The following SPTBN1 variants were observed in gnomAD, a reference collection of about 807,000 sequenced individuals.
SPTBN1 encodes the protein spectrin beta, non-erythrocytic 1, also known as spectrin beta chain, non-erythrocytic 1.
In SPTBN1, 32 loss-of-function variants were observed where a neutral mutation model predicts 266.4. That is an observed-to-expected ratio of 0.12 (90% confidence interval 0.09 to 0.16). The LOEUF (loss-of-function observed/expected upper bound fraction) is 0.16. Among genes scored for constraint, SPTBN1 ranks in the 10% least tolerant of loss-of-function variants. The pLI is 1.00. For synonymous variants in SPTBN1, 1,336 were observed against 1,162.2 expected, an observed-to-expected ratio of 1.15 and a Z score of -3.04; for missense variants, 2,296 against 3,067.1, an observed-to-expected ratio of 0.75 and a Z score of 5.94.
At position 54,599,086 on chromosome 2, in the gene SPTBN1, T is replaced by C. The variant is rs772306009; in HGVS notation, c.149-6T>C. On this transcript the variant is annotated splice_polypyrimidine_tract_variant and splice_region_variant and intron_variant, in intron 2 of 35. Coordinates refer to ENST00000356805, the MANE Select transcript of SPTBN1 (RefSeq NM_003128.3). The stretch of plus-strand genomic sequence containing the variant: ...AATGGTAAAACAAGTTCTTCTCTGC[T>C]TGCAGATGAGCGTGAAGCCGTGCAG... 1.2e-6 allele frequency: 2 copies of C among 1,613,942 alleles called. No individual in the cohort carries two copies. The highest frequency in any genetic ancestry group is 2.2e-5 in the East Asian group (1 of 44,882).
At position 54,653,583 on chromosome 2, in the gene SPTBN1, G is replaced by A. The variant is rs759252648; in HGVS notation, c.5578-26G>A. The stretch of plus-strand genomic sequence containing the variant: ...TGGGAAGGCCGCCATGGGCTGACCT[G>A]GCTCATCCCCTACATGGCTTCACAG... On this transcript the variant is annotated intron_variant, in intron 26 of 35. Coordinates refer to ENST00000356805, the MANE Select transcript of SPTBN1 (RefSeq NM_003128.3). This position sits in a 1 kb window ranked among gnomAD's most constrained non-coding sequence, Gnocchi z 5.1. 12 of 1,610,222 alleles carry A rather than the reference G, an allele frequency of 7.5e-6. No individual in the cohort carries two copies. The highest frequency in any genetic ancestry group is 1.0e-5 in the Non-Finnish European group (12 of 1,179,126).
Position 54,668,914 on chromosome 2 carries a change from A to C in SPTBN1, c.*345A>C. On this transcript the variant is annotated 3_prime_UTR_variant, in exon 36 of 36. Transcript: ENST00000356805. ...GTATGCAAGGCAGCGGTGCTTAATC[A>C]ATATTTCCTGTGCTCACCAGAGGCA... The C allele has an allele frequency of 3.7e-6, 1 of 270,954 alleles. No homozygotes were observed. Among genetic ancestry groups the C allele is most frequent in the South Asian group, 3.8e-5 (1 of 26,058 alleles). The allele number at this position is 270,954 out of a possible 1,614,324, so 16.8% of individuals were successfully genotyped here. A position where few individuals can be genotyped will look rare whatever the true frequency, so the allele number is the denominator to read the frequency against.
rs1442644993 is a variant in SPTBN1 at position 54,668,874 on chromosome 2, C to T, written c.*305C>T. ...GTGAGGCTGTGTTGGAAATAACCCG[C>T]CTCTAGTGCTGTTGGTATGCAAGGC... On this transcript the variant is annotated 3_prime_UTR_variant, in exon 36 of 36. Coordinates refer to ENST00000356805, the MANE Select transcript of SPTBN1 (RefSeq NM_003128.3). The T allele has an allele frequency of 1.6e-5, 5 of 319,974 alleles. No individual in the cohort carries two copies. The highest frequency in any genetic ancestry group is 3.0e-5 in the Non-Finnish European group (5 of 168,762). 19.8% of individuals were successfully genotyped at this position (319,974 alleles called of 1,614,324 possible).
At chr2:54,602,311 C>G (rs1676548415) in intron 3 of SPTBN1, among the ~76,000 whole-genome samples, 2 of 152,158 alleles carry the variant, frequency 1.3e-5, no homozygotes, top group Admixed American at 6.5e-5. Context: ...ACCTAGATCT[C>G]AGGACCAGAG....
At chr2:54,625,052 G>A in intron 11 of SPTBN1, 90 bp downstream of exon 11, 1 of 1,432,734 alleles carries the variant, frequency 7.0e-7, no homozygotes, top group Non-Finnish European at 9.3e-7. Flanking sequence ...GAGGACAGCT[G>A]CTTATCGACA....
intron 1 of SPTBN1, among the ~76,000 whole-genome samples, chr2:54,503,654 A>C (rs1484124539): frequency 6.6e-6 from 1 of 152,238 alleles, no homozygotes; most frequent in Non-Finnish European, 1.5e-5. Context: ...GTCTTTGAAC[A>C]TACCAACTCT....
intron 31 of SPTBN1, 35 bp from the exon 32 acceptor site, chr2:54,659,901 C>T (rs751609621): frequency 1.2e-6 from 2 of 1,604,422 alleles, no homozygotes; most frequent in Non-Finnish European, 1.7e-6. Context: ...CCTCTTCTTC[C>T]TTTCCCTTCC....
At chr2:54,550,797 G>C (rs1160228886) in intron 2 of SPTBN1, among the ~76,000 whole-genome samples, 1 of 152,216 alleles carries the variant, frequency 6.6e-6, no homozygotes, top group South Asian at 2.1e-4. Context: ...CAGCTAGGTT[G>C]AAAGTCCCTG....
At chr2:54,541,320 TATACTC>T (rs1351768642) in intron 2 of SPTBN1, among the ~76,000 whole-genome samples, 4 of 152,226 alleles carry the variant, frequency 2.6e-5, no homozygotes, top group Non-Finnish European at 5.9e-5. Context: ...TCCATGGAAT[TATACTC>T]ATTGTCTCCA....
intron 2 of SPTBN1, among the ~76,000 whole-genome samples, chr2:54,536,227 A>G (rs936202269): frequency 2.0e-5 from 3 of 152,240 alleles, no homozygotes; most frequent in Non-Finnish European, 2.9e-5. Context: ...GATAAAAGGT[A>G]TAAATTTAAT....
In SPTBN1 at chr2:54,646,621, G is replaced by C; in HGVS notation, c.4866+146G>C. 1.1e-6 allele frequency: 1 copy of C among 936,802 alleles called. No individual in the cohort carries two copies. Among genetic ancestry groups the C allele is most frequent in the East Asian group, 3.0e-5 (1 of 33,736 alleles). The allele number at this position is 936,802 out of a possible 1,614,324, so 58.0% of individuals were successfully genotyped here. On this transcript the variant is annotated intron_variant, in intron 23 of 35. Coordinates refer to ENST00000356805, the MANE Select transcript of SPTBN1 (RefSeq NM_003128.3). This position sits in a 1 kb window ranked among gnomAD's most constrained non-coding sequence, Gnocchi z 4.4. ...GGACACCATGTGCATGAAGGTGTCT[G>C]AAATCCAGCTGCTGGTTTCCCTTTG... is the stretch of plus-strand genomic sequence containing the variant.
At chr2:54,643,697 G>A (rs1156788028) in intron 19 of SPTBN1, among the ~76,000 whole-genome samples, 1 of 151,918 alleles carries the variant, frequency 6.6e-6, no homozygotes, top group Non-Finnish European at 1.5e-5. Flanking sequence ...TTAAAATAAT[G>A]TGTTGGCAGG....
chr2:54,644,212 A>G, intron 19 of SPTBN1, 111 bp from the exon 20 acceptor site: 3 of 1,350,626 alleles, frequency 2.2e-6, no homozygotes, highest in Non-Finnish European at 3.1e-6. Context: ...GACTGTGTGT[A>G]TTGAGTGAAT....
chr2:54,498,449 C>T (rs752368409), intron 1 of SPTBN1, among the ~76,000 whole-genome samples: 2 of 152,218 alleles, frequency 1.3e-5, no homozygotes, highest in African/African-American at 2.4e-5. Flanking sequence ...TCGTTTACCT[C>T]TGTGACCTTG....
chr2:54,508,663 G>A (rs980814584), intron 1 of SPTBN1, among the ~76,000 whole-genome samples: 4 of 152,190 alleles, frequency 2.6e-5, no homozygotes, highest in Non-Finnish European at 5.9e-5. Flanking sequence ...GAAGAGATGG[G>A]TGGAAGTTTC....
rs1475310494 is a variant in SPTBN1, at chr2:54,462,645, A to ATATATAC, written c.-48+6127_-48+6128insTATATAC. On this transcript the variant is annotated intron_variant, in intron 1 of 35. Transcript: ENST00000356805. The stretch of plus-strand genomic sequence containing the variant: ...TGAATAAGAATTAGTTCCTGAATGA[A>ATATATAC]AGGACTGTATACTCTAGTATATGGA... 2.0e-5 allele frequency among the ~76,000 whole-genome samples: 3 copies of ATATATAC among 152,340 alleles called. No individual in the cohort carries two copies. The East Asian group carries it at 5.8e-4, about 29-fold the overall frequency.
At chr2:54,657,167 A>G (rs1411936348) in intron 29 of SPTBN1, among the ~76,000 whole-genome samples, 1 of 152,242 alleles carries the variant, frequency 6.6e-6, no homozygotes, top group East Asian at 1.9e-4. Flanking sequence ...CTAGTGTTCC[A>G]TTTCCTCACA....
intron 1 of SPTBN1, among the ~76,000 whole-genome samples, chr2:54,487,811 CTTGATGG>C (rs1668481185): frequency 7.3e-6 from 1 of 137,428 alleles, no homozygotes; most frequent in Non-Finnish European, 1.6e-5. Context: ...TATTAATTCA[CTTGATGG>C]TCTCCTCCTG....
intron 29 of SPTBN1, among the ~76,000 whole-genome samples, chr2:54,656,372 G>A (rs1680659123): frequency 6.6e-6 from 1 of 152,182 alleles, no homozygotes; most frequent in Admixed American, 6.5e-5. Context: ...TTAGTGGAAT[G>A]TTGATAACAT....
Sources: allele counts gnomAD v4.1 joint callset (sites outside exome capture counted in the v4.1 genomes callset), GRCh38; gene constraint gnomAD v4.1.1; non-coding constraint Gnocchi (gnomAD v3.1); transcripts MANE v1.5; gene names NCBI Gene and HGNC (gene_info 2026-07-23, HGNC 2026-07-21).